ATP10B: variants seen among roughly 807,000 people sequenced by gnomAD.
The protein encoded by ATP10B is phospholipid-transporting ATPase VB.
A neutral mutation model predicts 141.2 loss-of-function variants in ATP10B; 122 were observed. The observed-to-expected ratio is 0.86, with a 90% CI of 0.75 to 1.00. The LOEUF (loss-of-function observed/expected upper bound fraction) is 1.00. Among genes scored for constraint, ATP10B ranks in the 50% least tolerant of loss-of-function variants. The pLI is 0.00. For missense variants in ATP10B, 1,876 were observed against 1,825.3 expected (o/e 1.03, Z -0.51); for synonymous variants, 685 against 692.0 (o/e 0.99, Z 0.16).
chr5:160,573,901 G>T (rs1755033348), intron 24 of ATP10B, among the ~76,000 whole-genome samples: 1 of 152,088 alleles, frequency 6.6e-6, no homozygotes, highest in African/African-American at 2.4e-5. Context: ...CCCCCTTTTG[G>T]CTATTAAGAA....
rs1237367086 is a variant in ATP10B, at chr5:160,620,469, C to T, written c.2294G>A (p.Gly765Asp). 1 of 1,614,124 alleles carries T rather than the reference C, an allele frequency of 6.2e-7. No homozygotes were observed. Among genetic ancestry groups the T allele is most frequent in the Non-Finnish European group, 8.5e-7 (1 of 1,180,044 alleles). The change falls in exon 15 of 26, where the codon GGC (glycine) becomes GAC (aspartate). Residue 765 changes from glycine (G) to aspartate (D), a missense_variant. Coordinates refer to ENST00000327245, the MANE Select transcript of ATP10B (RefSeq NM_025153.3). ...CATTCTCTTCCTGACAGAGTCAAAG[C>T]CCAGGGTGCAGAGGAGGCTGAAGGT... ...CLTFSLLCTL[G>D]FDSVRKRMSV... is the part of the protein sequence containing the mutation.
intron 1 of ATP10B, among the ~76,000 whole-genome samples, chr5:160,808,910 G>A (rs1188957417): frequency 6.6e-6 from 1 of 152,174 alleles, no homozygotes; most frequent in African/African-American, 2.4e-5. Flanking sequence ...TCTGGGGGCT[G>A]TGAGGAAGCA....
At chr5:160,717,197 A>T (rs1264380927) in intron 2 of ATP10B, among the ~76,000 whole-genome samples, 163 bp from the exon 3 acceptor site, 5 of 152,226 alleles carry the variant, frequency 3.3e-5, no homozygotes, top group African/African-American at 4.8e-5. Context: ...TGGAAATAAT[A>T]CCAAGTTTAG....
chr5:160,667,304 C>T (rs1377594196), intron 7 of ATP10B, among the ~76,000 whole-genome samples: 2 of 152,290 alleles, frequency 1.3e-5, no homozygotes, highest in Non-Finnish European at 2.9e-5. Context: ...CAACACTTCC[C>T]GGCTCAGTGA....
the ATP10B span, among the ~76,000 whole-genome samples, chr5:160,869,826 A>G: frequency 2.0e-5 from 3 of 152,194 alleles, no homozygotes; most frequent in South Asian, 6.2e-4. Flanking sequence ...AATCTGAGTT[A>G]AAACTCCAGA....
chr5:160,885,517 C>T, the ATP10B span, among the ~76,000 whole-genome samples: 1 of 152,160 alleles, frequency 6.6e-6, no homozygotes, highest in African/African-American at 2.4e-5. Flanking sequence ...TGTATTGATT[C>T]CTAACTTACA....
At chr5:160,639,622 C>A (rs914065051) in intron 10 of ATP10B, among the ~76,000 whole-genome samples, 1 of 152,126 alleles carries the variant, frequency 6.6e-6, no homozygotes, top group African/African-American at 2.4e-5. Flanking sequence ...CTAGGAGGAA[C>A]CAGAACTGCC....
intron 7 of ATP10B, among the ~76,000 whole-genome samples, chr5:160,650,078 T>C (rs1581262840): frequency 6.6e-6 from 1 of 151,072 alleles, no homozygotes; most frequent in Non-Finnish European, 1.5e-5. Context: ...CACTGCACTC[T>C]AGCCTGGCAG....
At chr5:160,781,254 T>G (rs1249730727) in intron 2 of ATP10B, among the ~76,000 whole-genome samples, 4 of 152,162 alleles carry the variant, frequency 2.6e-5, no homozygotes, top group African/African-American at 9.6e-5. Context: ...GGCCTAGAAT[T>G]CTGCATTTCT....
At chr5:160,881,366 TAAG>T in the ATP10B span, among the ~76,000 whole-genome samples, 6 of 152,206 alleles carry the variant, frequency 3.9e-5, no homozygotes, top group African/African-American at 1.4e-4. Flanking sequence ...CACAGCTGCT[TAAG>T]AAGACAGTTT....
At chr5:160,590,140 G>C (rs1756187719) in intron 23 of ATP10B, among the ~76,000 whole-genome samples, 1 of 152,176 alleles carries the variant, frequency 6.6e-6, no homozygotes, top group Non-Finnish European at 1.5e-5. Flanking sequence ...AATAAGAGGA[G>C]TTAATCACTT....
chr5:160,582,626 G>T (rs1298222108), intron 24 of ATP10B, among the ~76,000 whole-genome samples: 1 of 150,866 alleles, frequency 6.6e-6, no homozygotes, highest in Non-Finnish European at 1.5e-5. Context: ...GTCTTGGCCT[G>T]TCTTGCTAGG....
intron 7 of ATP10B, among the ~76,000 whole-genome samples, chr5:160,661,186 CA>C (rs547042816): frequency 1.9e-4 from 27 of 145,124 alleles, no homozygotes; most frequent in Non-Finnish European, 1.8e-4. Context: ...AACTCTGTCT[CA>C]AAAAAAAAAC....
rs77473400 is a variant in ATP10B at position 160,821,624 on chromosome 5, T to C, written c.-576+30317A>G. Among the ~76,000 whole-genome samples, 19 of 152,132 alleles carry C rather than the reference T, an allele frequency of 1.2e-4. No individual in the cohort carries two copies. The East Asian group carries it at 3.7e-3, about 29-fold the overall frequency. Reference sequence around the variant, plus strand: ...CTGACTTTATACTACTAAGCTATAGTAACCAAAACAGCATGGTACCGGCAT... The same window carrying C: ...CTGACTTTATACTACTAAGCTATAGCAACCAAAACAGCATGGTACCGGCAT... On this transcript the variant is annotated intron_variant, in intron 1 of 25. Transcript: ENST00000327245.
intron 1 of ATP10B, among the ~76,000 whole-genome samples, chr5:160,813,243 G>A (rs13179062): frequency 0.13 from 20,408 of 152,242 alleles, 1,472 homozygotes; most frequent in African/African-American, 0.17. Context: ...GTCAAAGAAA[G>A]GGGTGACAGA....
At chr5:160,703,387 A>C (rs190910343) in intron 3 of ATP10B, among the ~76,000 whole-genome samples, 100 of 152,338 alleles carry the variant, frequency 6.6e-4, no homozygotes, top group Admixed American at 2.7e-3. Context: ...TAATTAAAAA[A>C]TACTTTATTG....
At chr5:160,825,841 T>C (rs916618932) in intron 1 of ATP10B, among the ~76,000 whole-genome samples, 4 of 152,206 alleles carry the variant, frequency 2.6e-5, no homozygotes, top group Non-Finnish European at 4.4e-5. Flanking sequence ...GCAGTGTCTA[T>C]TGTTCCCATG....
In ATP10B at chr5:160,783,670, A is replaced by G. The variant is rs536052513; in HGVS notation, c.-331+1889T>C. ...ATTTGGGTTGGTTCCATGATTTTGC[A>G]ATTGCAAATTGTGCTGCTATAAACG... On this transcript the variant is annotated intron_variant, in intron 2 of 25. Transcript: ENST00000327245. Among the ~76,000 whole-genome samples the G allele has an allele frequency of 7.9e-5, 12 of 151,092 alleles. No homozygotes were observed. In the East Asian group the frequency reaches 2.4e-3, roughly 30 times the overall value.
chr5:160,665,786 G>T (rs1258527053), intron 7 of ATP10B, among the ~76,000 whole-genome samples: 2 of 152,146 alleles, frequency 1.3e-5, no homozygotes, highest in African/African-American at 2.4e-5. Context: ...ATGAGTGTGG[G>T]TATATATGTG....
Sources: gnomAD v4.1 joint callset for allele counts (sites outside exome capture counted in the v4.1 genomes callset) on GRCh38, gnomAD v4.1.1 for gene constraint, MANE v1.5 for transcripts, NCBI Gene and HGNC (gene_info 2026-07-23, HGNC 2026-07-21) for gene names.